ELMO3: variants seen among roughly 807,000 people sequenced by gnomAD.
The protein encoded by ELMO3 is engulfment and cell motility protein 3.
Under a neutral mutation model 89.0 loss-of-function variants are expected in ELMO3, and 81 were observed. The observed-to-expected ratio is 0.91, with a 90% confidence interval of 0.76 to 1.09. The LOEUF (loss-of-function observed/expected upper bound fraction) is 1.09, where lower values mean the gene tolerates loss of function less well. Ranked by LOEUF, ELMO3 falls within the 50% of genes least tolerant of loss-of-function variation. ELMO3 has a pLI of 0.00. For missense variants in ELMO3, 959 were observed against 972.8 expected, an observed-to-expected ratio of 0.99 and a Z score of 0.19; for synonymous variants, 406 against 400.6, an observed-to-expected ratio of 1.01 and a Z score of -0.16.
At position 67,200,445 on chromosome 16, in the gene ELMO3, C is replaced by G; in HGVS notation, c.414-6C>G. 6.2e-7 allele frequency: 1 copy of G among 1,612,242 alleles called. No individual in the cohort carries two copies. The highest frequency in any genetic ancestry group is 8.5e-7 in the Non-Finnish European group (1 of 1,178,772). On this transcript the variant is annotated splice_polypyrimidine_tract_variant and splice_region_variant and intron_variant, in intron 5 of 19. Transcript: ENST00000393997. Reference sequence around the variant, plus strand: ...TCCTGCTCAGCCCCAGATGTCCCCCCTCCAGCCTAGGAGAGGTGCTGGCCC... The same window carrying G: ...TCCTGCTCAGCCCCAGATGTCCCCCGTCCAGCCTAGGAGAGGTGCTGGCCC...
Position 67,200,541 on chromosome 16 carries a change from TG to T in ELMO3, c.505del (p.Val169Ter). 6.2e-7 allele frequency: 1 copy of T among 1,613,400 alleles called. No individual in the cohort carries two copies. Among genetic ancestry groups the T allele is most frequent in the South Asian group, 1.1e-5 (1 of 91,064 alleles). ...CCTGGGAGACTCTGAGCATCCCCTTTGTGAGGAAGGTGGGTGGGCTTTCCTA... is the reference window on the plus strand; with the variant it reads ...CCTGGGAGACTCTGAGCATCCCCTTTTGAGGAAGGTGGGTGGGCTTTCCTA... The part of the protein sequence containing the change: ...VSWETLSIPF[V>X]RKVVCYVNMN... On this transcript the variant is annotated frameshift_variant, in exon 6 of 20. Coordinates refer to ENST00000393997, the MANE Select transcript of ELMO3 (RefSeq NM_024712.5). LOFTEE classifies it high-confidence loss of function.
At position 67,204,003 on chromosome 16, in the gene ELMO3, G is replaced by A. The variant is rs891845068; in HGVS notation, c.*126G>A. On this transcript the variant is annotated 3_prime_UTR_variant, in exon 20 of 20. Coordinates refer to ENST00000393997, the MANE Select transcript of ELMO3 (RefSeq NM_024712.5). ...GAAATAAAGTCTGCTTGGCTCTTGG[G>A]ATATGTTGAGCCAGCTCTGTACCTT... The A allele has an allele frequency of 2.2e-6, 2 of 895,632 alleles. No individual in the cohort carries two copies. Among genetic ancestry groups the A allele is most frequent in the Admixed American group, 2.9e-5 (1 of 35,076 alleles). 55.5% of individuals were successfully genotyped at this position (895,632 alleles called of 1,614,324 possible).
intron 1 of ELMO3, 71 bp downstream of exon 1, chr16:67,199,475 A>AGC: frequency 1.5e-6 from 2 of 1,328,814 alleles, no homozygotes; most frequent in Non-Finnish European, 2.1e-6. Context: ...CCCTCGGGGC[A>AGC]GCCCGCCCCA....
In ELMO3 at chr16:67,199,550, C is replaced by T. The variant is rs761602556; in HGVS notation, c.79-3C>T. ...GCCGCGAGAATGACCACTCCACTTG[C>T]AGGCGAAGCCCCTGGCCGCTGTGCT... On this transcript the variant is annotated splice_region_variant and splice_polypyrimidine_tract_variant and intron_variant, in intron 1 of 19. Transcript: ENST00000393997. The T allele has an allele frequency of 2.5e-6, 4 of 1,598,444 alleles. No homozygotes were observed. The highest frequency in any genetic ancestry group is 3.4e-6 in the Non-Finnish European group (4 of 1,174,702).
chr16:67,200,201 G>T lies in ELMO3; in HGVS notation c.253G>T (p.Ala85Ser), dbSNP rs541007473. The T allele has an allele frequency of 2.0e-5, 32 of 1,612,218 alleles. 1 individual carries two copies. The Middle Eastern group carries it at 5.0e-4, about 25-fold the overall frequency. Reference sequence around the variant, plus strand: ...GCTCCGTTCCTGCCAGGACCTTGAGGCTGAGCAGCTCTTGGGTGGGCTGCA... The same window carrying T: ...GCTCCGTTCCTGCCAGGACCTTGAGTCTGAGCAGCTCTTGGGTGGGCTGCA... ...LCLSTAPDLE[A>S]EQLLGGLQSN... Residue 85 changes from alanine to serine, a missense_variant, in exon 5 of 20, where the codon GCT becomes TCT. Physicochemically the swap from Ala to Ser is moderately conservative, Grantham distance 99. Coordinates refer to ENST00000393997, the MANE Select transcript of ELMO3 (RefSeq NM_024712.5).
Position 67,203,502 on chromosome 16 carries a change from C to G in ELMO3, c.1869C>G (p.Leu623=). 2 of 1,613,942 alleles carry G rather than the reference C, an allele frequency of 1.2e-6. No homozygotes were observed. The highest frequency in any genetic ancestry group is 1.7e-6 in the Non-Finnish European group (2 of 1,179,968). ...CCGCTCCCTTGCTTCCCCAGGACCT[C>G]TATGAGTTGGCCTTCTCAATCAGCT... is the stretch of plus-strand genomic sequence containing the variant. The part of the protein sequence containing the change: ...EKGSGKQNKD[L]YELAFSISYD... Residue 623 remains leucine, a synonymous_variant, in exon 19 of 20, where the codon CTC becomes CTG. Coordinates refer to ENST00000393997, the MANE Select transcript of ELMO3 (RefSeq NM_024712.5). The surrounding 1 kb of genome is among the most constrained non-coding windows in gnomAD (Gnocchi z 4.6).
chr16:67,199,496 CAG>C, intron 1 of ELMO3, 55 bp from the exon 2 acceptor site: 4 of 1,535,606 alleles, frequency 2.6e-6, no homozygotes, highest in Non-Finnish European at 3.5e-6. Context: ...CCCCTCCCCC[CAG>C]GCTCCTCCCC....
Position 67,200,347 on chromosome 16 carries a change from T to C in ELMO3, c.399T>C (p.Ile133=). 1 of 1,613,848 alleles carries C rather than the reference T, an allele frequency of 6.2e-7. No individual in the cohort carries two copies. Residue 133 remains isoleucine (I), a synonymous_variant, in exon 5 of 20, where the codon ATT becomes ATC. Coordinates refer to ENST00000393997, the MANE Select transcript of ELMO3 (RefSeq NM_024712.5). The part of the protein sequence containing the change: ...RNGLQILGTI[I]EDGDDLGEVL... ...GGCTCCAGATACTAGGCACCATCATTGAAGATGGGGACGAGTGAGCACAGG... is the reference window on the plus strand; with the variant it reads ...GGCTCCAGATACTAGGCACCATCATCGAAGATGGGGACGAGTGAGCACAGG...
At position 67,200,918 on chromosome 16, in the gene ELMO3, A is replaced by G. The variant is rs146570069; in HGVS notation, c.694A>G (p.Met232Val). ...GAACCAGCAGCTGCAAACCAAGGCCATGGCCCTGCTGACAGCCTTGCTGCA... is the reference window on the plus strand; with the variant it reads ...GAACCAGCAGCTGCAAACCAAGGCCGTGGCCCTGCTGACAGCCTTGCTGCA... ...VMNQQLQTKA[M>V]ALLTALLQGA... The change falls in exon 8 of 20, where the codon ATG becomes GTG. Residue 232 changes from methionine (M) to valine (V), a missense_variant. Physicochemically the swap from Met to Val is conservative, Grantham distance 21. Coordinates refer to ENST00000393997, the MANE Select transcript of ELMO3 (RefSeq NM_024712.5). 4.1e-5 allele frequency: 66 copies of G among 1,613,324 alleles called. 1 individual carries two copies. In the East Asian group the frequency reaches 1.0e-3, roughly 25 times the overall value.
Position 67,203,370 on chromosome 16 carries a change from C to A in ELMO3, c.1824C>A (p.Cys608Ter), listed in dbSNP as rs572696490. The A allele has an allele frequency of 6.2e-7, 1 of 1,608,946 alleles. No homozygotes were observed. Among genetic ancestry groups the A allele is most frequent in the African/African-American group, 1.3e-5 (1 of 74,962 alleles). Residue 608 changes from cysteine (C) to a stop codon, truncating the protein, a stop_gained, in exon 18 of 20, where the codon TGC becomes TGA. Coordinates refer to ENST00000393997, the MANE Select transcript of ELMO3 (RefSeq NM_024712.5). LOFTEE classifies it high-confidence loss of function. The surrounding 1 kb of genome is among the most constrained non-coding windows in gnomAD (Gnocchi z 4.6). ...GGGCACTCCTGACAGGCAAGGACTG[C>A]CCCCATGTCCGGGAGAAGGGCTCCG... ...DMRALLTGKD[C>*]PHVREKGSGK...
intron 8 of ELMO3, among the ~76,000 whole-genome samples, 170 bp from the exon 9 acceptor site, chr16:67,201,212 ATTT>A (rs753596419): frequency 2.1e-5 from 2 of 94,238 alleles, no homozygotes; most frequent in African/African-American, 4.9e-5. Flanking sequence ...CGCCCAGCTG[ATTT>A]TTTTTTTTTT....
Position 67,199,161 on chromosome 16 carries a change from G to T in ELMO3, c.-166G>T. 1 of 1,607,594 alleles carries T rather than the reference G, an allele frequency of 6.2e-7. No individual in the cohort carries two copies. The highest frequency in any genetic ancestry group is 8.5e-7 in the Non-Finnish European group (1 of 1,179,120). ...TAACCTCGGCTCCCTTGGGAAGGCCGCGTTGCATGGCCAGGAGCAGCAGTC... is the reference window on the plus strand; with the variant it reads ...TAACCTCGGCTCCCTTGGGAAGGCCTCGTTGCATGGCCAGGAGCAGCAGTC... On this transcript the variant is annotated 5_prime_UTR_variant, in exon 1 of 20. Coordinates refer to ENST00000393997, the MANE Select transcript of ELMO3 (RefSeq NM_024712.5).
intron 8 of ELMO3, 147 bp from the exon 9 acceptor site, chr16:67,201,235 TTTA>T: frequency 1.1e-6 from 1 of 943,116 alleles, no homozygotes; most frequent in Admixed American, 2.9e-5. Context: ...TTTTTTTTTT[TTTA>T]AGTAGAGACG....
chr16:67,203,145 C>A lies in ELMO3; in HGVS notation c.1702C>A (p.Pro568Thr), dbSNP rs967629225. The A allele has an allele frequency of 1.9e-6, 3 of 1,612,122 alleles. No individual in the cohort carries two copies. The highest frequency in any genetic ancestry group is 1.7e-5 in the Admixed American group (1 of 59,866). ...QDKLWFCCLS[P>T]NHKLLQYGDM... ...TAAGCTGTGGTTCTGCTGCCTGTCC[C>A]CCAACCACAAGCTGCTGCAGTACGG... The change falls in exon 17 of 20, where the codon CCC becomes ACC. Residue 568 changes from proline to threonine, a missense_variant. Transcript: ENST00000393997. The surrounding 1 kb of genome is among the most constrained non-coding windows in gnomAD (Gnocchi z 4.6).
Position 67,203,944 on chromosome 16 carries a change from AGTGCAGGCACCC to A in ELMO3, c.*68_*79del. The A allele has an allele frequency of 1.5e-6, 2 of 1,332,772 alleles. No individual in the cohort carries two copies. The highest frequency in any genetic ancestry group is 2.0e-6 in the Non-Finnish European group (2 of 989,906). 82.6% of individuals were successfully genotyped at this position (1,332,772 alleles called of 1,614,324 possible). ...AGCCATGAAGGGCAGTGGGTAGAGG[AGTGCAGGCACCC>A]TGACCAGCAGAGATTGCTGCAGAAA... On this transcript the variant is annotated 3_prime_UTR_variant, in exon 20 of 20. Transcript: ENST00000393997. The surrounding 1 kb of genome is among the most constrained non-coding windows in gnomAD (Gnocchi z 4.6).
chr16:67,199,945 C>T lies in ELMO3; in HGVS notation c.193-6C>T, dbSNP rs201305508. 1,691 of 1,613,966 alleles carry T rather than the reference C, an allele frequency of 1.0e-3. 1 individual carries two copies. The highest frequency in any genetic ancestry group is 1.3e-3 in the Non-Finnish European group (1,547 of 1,180,036). On this transcript the variant is annotated splice_region_variant and splice_polypyrimidine_tract_variant and intron_variant, in intron 3 of 19. Transcript: ENST00000393997. ...ACCTCGCTGCCTTTTCTGCTGTCTT[C>T]TCCAGAACCGCGCGGAGATCAAGAA...
chr16:67,199,936 T>C lies in ELMO3; in HGVS notation c.193-15T>C. On this transcript the variant is annotated splice_polypyrimidine_tract_variant and intron_variant, in intron 3 of 19. Transcript: ENST00000393997. ...CCCTCCCTGACCTCGCTGCCTTTTC[T>C]GCTGTCTTCTCCAGAACCGCGCGGA... 6.2e-7 allele frequency: 1 copy of C among 1,613,944 alleles called. No individual in the cohort carries two copies.
At chr16:67,201,148 C>A (rs1252790222) in intron 8 of ELMO3, among the ~76,000 whole-genome samples, 180 bp downstream of exon 8, 1 of 151,604 alleles carries the variant, frequency 6.6e-6, no homozygotes, top group African/African-American at 2.4e-5. Context: ...CGGGTTCACA[C>A]CATTCTCCTG....
Position 67,203,337 on chromosome 16 carries a change from C to T in ELMO3, c.1791C>T (p.Ala597=), listed in dbSNP as rs373427799. The T allele has an allele frequency of 4.9e-5, 79 of 1,599,756 alleles. No homozygotes were observed. Among genetic ancestry groups the T allele is most frequent in the Admixed American group, 1.4e-4 (8 of 58,508 alleles). ...GCCTTCTTCCTGCAGTCCCTGTGGC[C>T]GACATGAGGGCACTCCTGACAGGCA... ...LESLPEQLPV[A]DMRALLTGKD... The change falls in exon 18 of 20, where the codon GCC becomes GCT. Residue 597 remains alanine (A), a synonymous_variant. Coordinates refer to ENST00000393997, the MANE Select transcript of ELMO3 (RefSeq NM_024712.5). The surrounding 1 kb of genome is among the most constrained non-coding windows in gnomAD (Gnocchi z 4.6).
Sources: allele counts gnomAD v4.1 joint callset (sites outside exome capture counted in the v4.1 genomes callset), GRCh38; gene constraint gnomAD v4.1.1; non-coding constraint Gnocchi (gnomAD v3.1); transcripts MANE v1.5; gene names NCBI Gene and HGNC (gene_info 2026-07-23, HGNC 2026-07-21).